CACNA1E: variants seen among roughly 807,000 people sequenced by gnomAD.
CACNA1E encodes calcium voltage-gated channel subunit alpha1 E, also known as voltage-dependent R-type calcium channel subunit alpha-1E.
A neutral mutation model predicts 259.2 loss-of-function variants in CACNA1E; 40 were observed. The observed-to-expected ratio is 0.15, with a 90% CI of 0.12 to 0.20. CACNA1E has a LOEUF of 0.20. CACNA1E is among the 10% of genes least tolerant of loss of function. CACNA1E has a pLI of 1.00. For synonymous variants in CACNA1E, 1,104 were observed against 1,138.5 expected (o/e 0.97, Z 0.61); for missense variants, 1,874 against 3,040.1 (o/e 0.62, Z 9.02).
At chr1:181,703,735 G>A (rs545097163) in intron 7 of CACNA1E, among the ~76,000 whole-genome samples, 6 of 152,256 alleles carry the variant, frequency 3.9e-5, no homozygotes, top group African/African-American at 9.6e-5. Flanking sequence ...TAGGTCTGCC[G>A]CCACCGCCCT....
At chr1:181,611,808 T>A (rs966387207) in intron 6 of CACNA1E, among the ~76,000 whole-genome samples, 1 of 152,254 alleles carries the variant, frequency 6.6e-6, no homozygotes, top group African/African-American at 2.4e-5. Flanking sequence ...AGATTTCTTC[T>A]TGGGCAACAG....
intron 3 of CACNA1E, among the ~76,000 whole-genome samples, chr1:181,532,494 G>A (rs982869851): frequency 1.3e-5 from 2 of 152,238 alleles, no homozygotes; most frequent in African/African-American, 4.8e-5. Context: ...GGCTGTGCAG[G>A]CCACCTCCAG....
In CACNA1E at chr1:181,800,811, C is replaced by T. The variant is rs1368666539; in HGVS notation, c.*1977C>T. 2.0e-5 allele frequency: 3 copies of T among 152,650 alleles called. No homozygotes were observed. The highest frequency in any genetic ancestry group is 2.9e-5 in the Non-Finnish European group (2 of 68,060). 9.5% of individuals were successfully genotyped at this position (152,650 alleles called of 1,614,324 possible). On this transcript the variant is annotated 3_prime_UTR_variant, in exon 48 of 48. Coordinates refer to ENST00000367573, the MANE Select transcript of CACNA1E (RefSeq NM_001205293.3). Reference sequence around the variant, plus strand: ...ATGGCTGGAGAATCATTTGTCATGGCCCCGCCTTCTCTTCTGATACTAATG... The same window carrying T: ...ATGGCTGGAGAATCATTTGTCATGGTCCCGCCTTCTCTTCTGATACTAATG...
At chr1:181,472,485 A>G (rs1165742911) in intron 2 of CACNA1E, among the ~76,000 whole-genome samples, 1 of 152,162 alleles carries the variant, frequency 6.6e-6, no homozygotes, top group African/African-American at 2.4e-5. Context: ...CCTGTTGTAA[A>G]TCTCAAATGT....
intron 6 of CACNA1E, among the ~76,000 whole-genome samples, chr1:181,616,591 G>A (rs187622393): frequency 9.4e-4 from 143 of 152,218 alleles, no homozygotes; most frequent in African/African-American, 3.3e-3. Context: ...GTGCACACCC[G>A]TAGTCCCAGC....
At position 181,500,773 on chromosome 1, in the gene CACNA1E, C is replaced by A. The variant is rs1665180330; in HGVS notation, c.267-9704C>A. Among the ~76,000 whole-genome samples the A allele has an allele frequency of 2.0e-5, 3 of 152,206 alleles. No homozygotes were observed. The South Asian group carries it at 6.2e-4, about 32-fold the overall frequency. On this transcript the variant is annotated intron_variant, in intron 1 of 47. Transcript: ENST00000367573. ...CATTATCTCACGTGGTTTGCAGGCT[C>A]AGTAGGTGTCTTTGAATGCCAGGGC... is the stretch of plus-strand genomic sequence containing the variant.
Position 181,798,770 on chromosome 1 carries a change from C to T in CACNA1E, c.6878C>T (p.Pro2293Leu), listed in dbSNP as rs750079172. Residue 2293 changes from proline to leucine, a missense_variant, in exon 48 of 48, where the codon CCA becomes CTA. Pro to Leu is a moderately conservative substitution (Grantham distance 98). This residue lies in a region of CACNA1E where 542 missense variants were observed against 587.2 expected (regional missense o/e 0.92). Coordinates refer to ENST00000367573, the MANE Select transcript of CACNA1E (RefSeq NM_001205293.3). The surrounding 1 kb of genome is among the most constrained non-coding windows in gnomAD (Gnocchi z 4.2). The part of the protein sequence containing the change: ...YRRRRRGGPG[P>L]GMMCGAVNNL... Reference sequence around the variant, plus strand: ...CGGCGGAGGCGCGGGGGGCCTGGGCCAGGCATGATGTGTGGGGCTGTCAAC... The same window carrying T: ...CGGCGGAGGCGCGGGGGGCCTGGGCTAGGCATGATGTGTGGGGCTGTCAAC... 64 of 1,592,128 alleles carry T rather than the reference C, an allele frequency of 4.0e-5. No homozygotes were observed. Among genetic ancestry groups the T allele is most frequent in the Non-Finnish European group, 4.9e-5 (57 of 1,169,068 alleles).
At chr1:181,769,787 A>G (rs957855412) in intron 35 of CACNA1E, among the ~76,000 whole-genome samples, 4 of 152,222 alleles carry the variant, frequency 2.6e-5, no homozygotes, top group African/African-American at 9.6e-5. Context: ...GTGGTGAATC[A>G]GGGATAAATC....
At chr1:181,437,460 G>T (rs1660169270) in intron 2 of CACNA1E, among the ~76,000 whole-genome samples, 1 of 152,064 alleles carries the variant, frequency 6.6e-6, no homozygotes, top group Non-Finnish European at 1.5e-5. Flanking sequence ...CAGAAAAGTG[G>T]CGAATGTTGT....
At chr1:181,453,491 C>T (rs1661282012) in intron 2 of CACNA1E, among the ~76,000 whole-genome samples, 1 of 152,148 alleles carries the variant, frequency 6.6e-6, no homozygotes, top group Non-Finnish European at 1.5e-5. Flanking sequence ...ATGGTCCCAG[C>T]ATGTGCCTAA....
intron 7 of CACNA1E, among the ~76,000 whole-genome samples, chr1:181,674,559 C>T (rs1268440173): frequency 6.6e-6 from 1 of 152,156 alleles, no homozygotes; most frequent in East Asian, 1.9e-4. Flanking sequence ...AGCCCCTGGA[C>T]ACAGTCCCCC....
At chr1:181,697,096 T>A (rs926393833) in intron 7 of CACNA1E, among the ~76,000 whole-genome samples, 1 of 151,714 alleles carries the variant, frequency 6.6e-6, no homozygotes, top group Non-Finnish European at 1.5e-5. Flanking sequence ...TCTGAGTACA[T>A]CCTCAGAGAC....
At chr1:181,650,018 G>A (rs987430019) in intron 6 of CACNA1E, among the ~76,000 whole-genome samples, 31 of 152,206 alleles carry the variant, frequency 2.0e-4, no homozygotes, top group African/African-American at 7.5e-4. Flanking sequence ...AAGTTAAGCT[G>A]TTGTTAATGG....
chr1:181,343,728 G>A (rs1163845667), intron 1 of CACNA1E, among the ~76,000 whole-genome samples: 2 of 152,210 alleles, frequency 1.3e-5, no homozygotes, highest in African/African-American at 4.8e-5. Flanking sequence ...CCTCTAGCCT[G>A]GCCCCTTGCA....
chr1:181,375,817 T>C (rs904188989), intron 1 of CACNA1E, among the ~76,000 whole-genome samples: 9 of 152,224 alleles, frequency 5.9e-5, no homozygotes, highest in African/African-American at 2.2e-4. Context: ...TTGATGAGGC[T>C]GAGTTTTCTG....
intron 3 of CACNA1E, among the ~76,000 whole-genome samples, chr1:181,545,163 C>A (rs1342236850): frequency 6.6e-6 from 1 of 152,050 alleles, no homozygotes; most frequent in Non-Finnish European, 1.5e-5. Flanking sequence ...ATCTAACCAA[C>A]CCCAGGACAG....
chr1:181,374,149 A>T (rs1268188483), intron 1 of CACNA1E, among the ~76,000 whole-genome samples: 1 of 152,072 alleles, frequency 6.6e-6, no homozygotes, highest in African/African-American at 2.4e-5. Context: ...AGCACTATGA[A>T]CTTTCTTCTT....
intron 8 of CACNA1E, among the ~76,000 whole-genome samples, chr1:181,713,423 C>A (rs1036959768): frequency 6.6e-6 from 1 of 152,162 alleles, no homozygotes; most frequent in Non-Finnish European, 1.5e-5. Flanking sequence ...TAACACTTAA[C>A]CTGTTAATTT....
chr1:181,577,061 G>A (rs1651048784), intron 3 of CACNA1E, among the ~76,000 whole-genome samples: 2 of 152,130 alleles, frequency 1.3e-5, no homozygotes, highest in Non-Finnish European at 2.9e-5. Flanking sequence ...TCCCTGCAAT[G>A]TCATGAGATT....
Sources: allele counts gnomAD v4.1 joint callset (sites outside exome capture counted in the v4.1 genomes callset), GRCh38; gene constraint gnomAD v4.1.1; regional missense constraint gnomAD v4.1.1; non-coding constraint Gnocchi (gnomAD v3.1); transcripts MANE v1.5; gene names NCBI Gene and HGNC (gene_info 2026-07-23, HGNC 2026-07-21).